CSMD3: variants seen among roughly 807,000 people sequenced by gnomAD.
The protein encoded by CSMD3 is CUB and sushi domain-containing protein 3.
Under a neutral mutation model 435.2 loss-of-function variants are expected in CSMD3, and 177 were observed. The ratio of observed to expected loss-of-function variants is 0.41; its 90% CI spans 0.36 to 0.46. The LOEUF (loss-of-function observed/expected upper bound fraction) is 0.46, where lower values mean the gene tolerates loss of function less well. Among genes scored for constraint, CSMD3 ranks in the 20% least tolerant of loss-of-function variants. CSMD3 has a pLI of 0.34. For missense variants in CSMD3, 4,265 were observed against 4,504.6 expected (o/e 0.95, Z 1.52); for synonymous variants, 1,656 against 1,520.5 (o/e 1.09, Z -2.07).
intron 35 of CSMD3, among the ~76,000 whole-genome samples, chr8:112,396,926 C>T (rs775947409): frequency 5.3e-5 from 8 of 152,076 alleles, no homozygotes; most frequent in Non-Finnish European, 1.2e-4. Flanking sequence ...AGATAAAAAG[C>T]TATCTGTTCT....
At chr8:112,372,445 G>A (rs1381516572) in intron 38 of CSMD3, among the ~76,000 whole-genome samples, 1 of 151,766 alleles carries the variant, frequency 6.6e-6, no homozygotes, top group African/African-American at 2.4e-5. Flanking sequence ...GGAACATTAG[G>A]TTTATCTGAT....
At chr8:112,871,743 A>G (rs2081141228) in intron 10 of CSMD3, among the ~76,000 whole-genome samples, 2 of 152,200 alleles carry the variant, frequency 1.3e-5, no homozygotes, top group South Asian at 2.1e-4. Flanking sequence ...TTCAATGATT[A>G]TGTTCAAACA....
chr8:112,276,798 T>C (rs1490706403), intron 59 of CSMD3, among the ~76,000 whole-genome samples: 1 of 152,168 alleles, frequency 6.6e-6, no homozygotes, highest in Admixed American at 6.5e-5. Flanking sequence ...AATTCTTGAC[T>C]TCTGTGCACC....
intron 1 of CSMD3, among the ~76,000 whole-genome samples, chr8:113,325,636 G>A (rs1002331879): frequency 6.6e-6 from 1 of 152,086 alleles, no homozygotes; most frequent in Non-Finnish European, 1.5e-5. Flanking sequence ...TCCTCATCCC[G>A]TAATTCCCCA....
chr8:113,105,153 G>T (rs1390265932), intron 4 of CSMD3, among the ~76,000 whole-genome samples: 1 of 151,852 alleles, frequency 6.6e-6, no homozygotes, highest in African/African-American at 2.4e-5. Context: ...GAGCAAGAGG[G>T]AACAAATTTA....
At chr8:112,405,845 C>A (rs62514459) in intron 35 of CSMD3, among the ~76,000 whole-genome samples, 28,580 of 151,680 alleles carry the variant, frequency 0.19, 3,237 homozygotes, top group Middle Eastern at 0.36. Flanking sequence ...ACATATTGGC[C>A]CAGAAATCTT....
At chr8:112,483,626 TAGGAAA>T (rs893490193) in intron 31 of CSMD3, among the ~76,000 whole-genome samples, 19 of 152,250 alleles carry the variant, frequency 1.2e-4, no homozygotes, top group African/African-American at 4.3e-4. Flanking sequence ...AGTGTGGGTT[TAGGAAA>T]ATGAATTAGG....
At position 113,360,549 on chromosome 8, in the gene CSMD3, G is replaced by A. The variant is rs555708890; in HGVS notation, c.179-45756C>T. The stretch of plus-strand genomic sequence containing the variant: ...AAGTATTTATTACTTCAATATCTAA[G>A]CACTGACAAGTGACTTCAGTCTTTT... On this transcript the variant is annotated intron_variant, in intron 1 of 70. Transcript: ENST00000297405. Among the ~76,000 whole-genome samples, 13 of 148,614 alleles carry A rather than the reference G, an allele frequency of 8.7e-5. No homozygotes were observed. In the South Asian group the frequency reaches 2.6e-3, roughly 29 times the overall value.
chr8:112,655,661 T>C (rs745516941), intron 18 of CSMD3, among the ~76,000 whole-genome samples: 14 of 151,496 alleles, frequency 9.2e-5, no homozygotes, highest in Non-Finnish European at 1.9e-4. Context: ...TATTTGAATA[T>C]ATGTATATAC....
rs1056125609 is a variant in CSMD3 at position 112,224,525 on chromosome 8, TA to T, written c.*245del. 5.6e-6 allele frequency: 3 copies of T among 534,002 alleles called. No homozygotes were observed. The highest frequency in any genetic ancestry group is 3.3e-5 in the East Asian group (1 of 30,016). The allele number at this position is 534,002 out of a possible 1,614,324, so 33.1% of individuals were successfully genotyped here. A position where few individuals can be genotyped will look rare whatever the true frequency, so the allele number is the denominator to read the frequency against. On this transcript the variant is annotated 3_prime_UTR_variant, in exon 71 of 71. Coordinates refer to ENST00000297405, the MANE Select transcript of CSMD3 (RefSeq NM_198123.2). ...TTATATTTTAGAATAATCTCCTTTT[TA>T]AAAAAAGCAAATAAACTGTGAGTAA...
At chr8:113,183,132 T>C (rs1434023435) in intron 3 of CSMD3, among the ~76,000 whole-genome samples, 4 of 152,044 alleles carry the variant, frequency 2.6e-5, no homozygotes, top group African/African-American at 7.2e-5. Flanking sequence ...CTGCATCCTG[T>C]AGTCCCCTGG....
chr8:112,428,455 C>G lies in CSMD3; in HGVS notation c.5396-19423G>C, dbSNP rs186339599. On this transcript the variant is annotated intron_variant, in intron 32 of 70. Coordinates refer to ENST00000297405, the MANE Select transcript of CSMD3 (RefSeq NM_198123.2). ...ACAAGAAAACCTGAAAACTTGATCT[C>G]AAATTTGCAACCACATTAGAAACCA... 9.9e-5 allele frequency among the ~76,000 whole-genome samples: 15 copies of G among 152,218 alleles called. No individual in the cohort carries two copies. In the East Asian group the frequency reaches 2.9e-3, roughly 29 times the overall value.
intron 55 of CSMD3, among the ~76,000 whole-genome samples, chr8:112,292,194 A>C (rs1819829476): frequency 6.6e-6 from 1 of 152,162 alleles, no homozygotes; most frequent in Non-Finnish European, 1.5e-5. Context: ...AATAAATGCC[A>C]AAGCAAATTG....
intron 30 of CSMD3, among the ~76,000 whole-genome samples, chr8:112,496,295 T>C (rs896754555): frequency 1.3e-5 from 2 of 152,024 alleles, no homozygotes; most frequent in African/African-American, 2.4e-5. Context: ...TTAAAGGCAA[T>C]AACAAATACT....
intron 6 of CSMD3, among the ~76,000 whole-genome samples, chr8:112,989,491 T>C (rs1440002830): frequency 2.6e-5 from 4 of 152,050 alleles, no homozygotes; most frequent in African/African-American, 4.8e-5. Context: ...CTAGCTATTG[T>C]TACATGATAG....
chr8:112,697,523 G>A lies in CSMD3; in HGVS notation c.1973-7473C>T, dbSNP rs2076285461. Among the ~76,000 whole-genome samples, 7 of 151,656 alleles carry A rather than the reference G, an allele frequency of 4.6e-5. No homozygotes were observed. The South Asian group carries it at 1.5e-3, about 32-fold the overall frequency. On this transcript the variant is annotated intron_variant, in intron 13 of 70. Transcript: ENST00000297405. ...AAACACCACATGTTCTCACTCATAG[G>A]TGGGAATTGAATAATGAGAACACTT...
At position 112,636,844 on chromosome 8, in the gene CSMD3, A is replaced by G. The variant is rs1404549594; in HGVS notation, c.3688T>C (p.Trp1230Arg). 1.2e-6 allele frequency: 2 copies of G among 1,606,048 alleles called. No homozygotes were observed. The highest frequency in any genetic ancestry group is 1.7e-6 in the Non-Finnish European group (2 of 1,176,708). ...IICLGGGRRVWSAPLPRCVAE... is the reference protein window; with the variant it reads ...IICLGGGRRVRSAPLPRCVAE... Reference sequence around the variant, plus strand: ...ACACACCTTGGCAGAGGTGCACTCCACACTCGTCGGCCACCACCAAGACAG... The same window carrying G: ...ACACACCTTGGCAGAGGTGCACTCCGCACTCGTCGGCCACCACCAAGACAG... Residue 1230 changes from tryptophan to arginine, a missense_variant, in exon 22 of 71, where the codon TGG (tryptophan) becomes CGG (arginine). By Grantham distance (101) the Trp-to-Arg change is moderately radical. Coordinates refer to ENST00000297405, the MANE Select transcript of CSMD3 (RefSeq NM_198123.2).
chr8:113,391,546 G>A (rs1312650657), intron 1 of CSMD3, among the ~76,000 whole-genome samples: 1 of 151,910 alleles, frequency 6.6e-6, no homozygotes, highest in Non-Finnish European at 1.5e-5. Flanking sequence ...CTAGTTTTGG[G>A]GATGTTTTAA....
chr8:112,736,968 T>C (rs2077199011), intron 13 of CSMD3, among the ~76,000 whole-genome samples: 1 of 151,974 alleles, frequency 6.6e-6, no homozygotes, highest in South Asian at 2.1e-4. Flanking sequence ...CTATTTTAAT[T>C]GTTGGTTTTA....
Sources: gnomAD v4.1 joint callset for allele counts (sites outside exome capture counted in the v4.1 genomes callset) on GRCh38, gnomAD v4.1.1 for gene constraint, MANE v1.5 for transcripts, NCBI Gene and HGNC (gene_info 2026-07-23, HGNC 2026-07-21) for gene names.